The following TRABD2B variants were observed in gnomAD, a reference collection of about 807,000 sequenced individuals.
The protein encoded by TRABD2B is TraB domain containing 2B.
In TRABD2B, 14 loss-of-function variants were observed where a neutral mutation model predicts 40.1. That is an observed-to-expected ratio of 0.35 (90% CI 0.23 to 0.55). The LOEUF is 0.55. Among genes scored for constraint, TRABD2B ranks in the 20% least tolerant of loss-of-function variants. The pLI, the probability that TRABD2B is intolerant of heterozygous loss-of-function variation, is 0.90. For missense variants in TRABD2B, 541 were observed against 648.6 expected, an observed-to-expected ratio of 0.83 and a Z score of 1.80; for synonymous variants, 263 against 277.0, an observed-to-expected ratio of 0.95 and a Z score of 0.50.
At chr1:47,822,209 C>T (rs1310347419) in intron 2 of TRABD2B, among the ~76,000 whole-genome samples, 2 of 152,142 alleles carry the variant, frequency 1.3e-5, no homozygotes, top group South Asian at 2.1e-4. Flanking sequence ...AGCTCACCCC[C>T]GAGGCCTGAC....
intron 2 of TRABD2B, chr1:47,819,316 C>T (rs570113397): frequency 2.0e-5 from 3 of 152,386 alleles, no homozygotes; most frequent in South Asian, 2.1e-4. Context: ...AAAAGCGGGG[C>T]GCTTGAATAT....
At chr1:47,959,850 A>C (rs1645483731) in intron 2 of TRABD2B, among the ~76,000 whole-genome samples, 1 of 152,190 alleles carries the variant, frequency 6.6e-6, no homozygotes. Flanking sequence ...ATCCTCCCTA[A>C]CTCATTTTAT....
chr1:47,773,713 T>A (rs1569887237), intron 6 of TRABD2B, among the ~76,000 whole-genome samples: 2 of 152,346 alleles, frequency 1.3e-5, no homozygotes, highest in East Asian at 1.9e-4. Context: ...CTTTTCTTTA[T>A]AAATTACCCA....
chr1:47,856,674 C>T (rs1323529547), intron 2 of TRABD2B, among the ~76,000 whole-genome samples: 1 of 152,208 alleles, frequency 6.6e-6, no homozygotes, highest in Non-Finnish European at 1.5e-5. Context: ...GCTCTGGTTA[C>T]ACACTGTCCA....
At chr1:47,918,140 T>C (rs531785224) in intron 2 of TRABD2B, among the ~76,000 whole-genome samples, 8 of 152,340 alleles carry the variant, frequency 5.3e-5, no homozygotes, top group Non-Finnish European at 1.2e-4. Context: ...CTGTGGTTCC[T>C]TGAAGTGCCC....
At chr1:47,913,004 T>C (rs1474641374) in intron 2 of TRABD2B, among the ~76,000 whole-genome samples, 4 of 152,208 alleles carry the variant, frequency 2.6e-5, no homozygotes, top group Admixed American at 6.5e-5. Context: ...TACTGACTGA[T>C]TTCAAGTGTC....
chr1:47,975,168 T>C (rs900037653), intron 2 of TRABD2B, among the ~76,000 whole-genome samples: 11 of 152,186 alleles, frequency 7.2e-5, no homozygotes, highest in African/African-American at 2.7e-4. Context: ...TTAATAATGA[T>C]GTATCAGGTT....
chr1:47,933,022 G>A (rs537769962), intron 2 of TRABD2B, among the ~76,000 whole-genome samples: 34 of 152,194 alleles, frequency 2.2e-4, no homozygotes, highest in African/African-American at 7.7e-4. Flanking sequence ...CAAAGGACAT[G>A]AGTGGCAATG....
chr1:47,815,955 C>T (rs1237956110), intron 2 of TRABD2B, among the ~76,000 whole-genome samples: 1 of 152,162 alleles, frequency 6.6e-6, no homozygotes, highest in Non-Finnish European at 1.5e-5. Context: ...TGTGTTTGTT[C>T]TTGGTCAGGT....
intron 2 of TRABD2B, chr1:47,818,568 T>C (rs1357301129): frequency 6.6e-6 from 1 of 152,226 alleles, no homozygotes; most frequent in South Asian, 2.1e-4. Flanking sequence ...ACACCTTTGA[T>C]TTCTCTTCCA....
intron 2 of TRABD2B, among the ~76,000 whole-genome samples, chr1:47,802,890 G>A (rs1644841394): frequency 6.6e-6 from 1 of 152,062 alleles, no homozygotes; most frequent in Non-Finnish European, 1.5e-5. Context: ...CCACCTGCAG[G>A]CTAAAGGGCT....
chr1:47,932,193 C>G (rs1288039620), intron 2 of TRABD2B, among the ~76,000 whole-genome samples: 1 of 152,156 alleles, frequency 6.6e-6, no homozygotes, highest in African/African-American at 2.4e-5. Flanking sequence ...ATTTTAAGAC[C>G]TCTACATGAT....
rs1644987360 is a variant in TRABD2B at position 47,813,155 on chromosome 1, T to TC, written c.667-11537dup. On this transcript the variant is annotated intron_variant, in intron 2 of 6. Transcript: ENST00000606738. The surrounding 1 kb of genome is among the most constrained non-coding windows in gnomAD (Gnocchi z 4.3). Reference sequence around the variant, plus strand: ...CTGCCTAAACTTCAAAAGGCAAGTCTCCATTTTCATTTGCAAAATCAGTAT... The same window carrying TC: ...CTGCCTAAACTTCAAAAGGCAAGTCTCCCATTTTCATTTGCAAAATCAGTAT... Among the ~76,000 whole-genome samples the TC allele has an allele frequency of 6.6e-6, 1 of 152,188 alleles. No homozygotes were observed. Among genetic ancestry groups the TC allele is most frequent in the South Asian group, 2.1e-4 (1 of 4,824 alleles).
chr1:47,959,942 A>G (rs1292886649), intron 2 of TRABD2B, among the ~76,000 whole-genome samples: 1 of 152,222 alleles, frequency 6.6e-6, no homozygotes, highest in East Asian at 1.9e-4. Context: ...ATCCCTAATG[A>G]ATATCGATGC....
intron 2 of TRABD2B, among the ~76,000 whole-genome samples, chr1:47,836,229 G>C (rs1645316744): frequency 6.6e-6 from 1 of 152,144 alleles, no homozygotes; most frequent in African/African-American, 2.4e-5. Context: ...CCCCATTTTT[G>C]AATCTTAGTT....
intron 2 of TRABD2B, among the ~76,000 whole-genome samples, chr1:47,858,862 T>G (rs1036166568): frequency 6.6e-6 from 1 of 152,188 alleles, no homozygotes; most frequent in Non-Finnish European, 1.5e-5. Context: ...GATGGCGGCC[T>G]GGTGGACTAG....
chr1:47,898,269 G>T (rs1644552212), intron 2 of TRABD2B, among the ~76,000 whole-genome samples: 1 of 152,154 alleles, frequency 6.6e-6, no homozygotes, highest in South Asian at 2.1e-4. Context: ...ATTCCCAGAG[G>T]CCTCCGCCCC....
intron 2 of TRABD2B, among the ~76,000 whole-genome samples, chr1:47,868,808 T>C (rs1644098404): frequency 6.6e-6 from 1 of 152,228 alleles, no homozygotes; most frequent in East Asian, 1.9e-4. Flanking sequence ...TCAAGCGCAA[T>C]CTGCCTAGAA....
At chr1:47,789,737 T>C (rs116516398) in intron 4 of TRABD2B, among the ~76,000 whole-genome samples, 3 of 152,182 alleles carry the variant, frequency 2.0e-5, no homozygotes, top group Non-Finnish European at 4.4e-5. Flanking sequence ...CCTCCCTCCT[T>C]CCCTTCAGTT....
Sources: allele counts gnomAD v4.1 joint callset (sites outside exome capture counted in the v4.1 genomes callset), GRCh38; gene constraint gnomAD v4.1.1; non-coding constraint Gnocchi (gnomAD v3.1); transcripts MANE v1.5; gene names NCBI Gene and HGNC (gene_info 2026-07-23, HGNC 2026-07-21).